DAPK1: variants seen among roughly 807,000 people sequenced by gnomAD.
The protein encoded by DAPK1 is death associated protein kinase 1.
In DAPK1, 56 loss-of-function variants were observed where a neutral mutation model predicts 144.9. That is an observed-to-expected ratio of 0.39 (90% CI 0.31 to 0.48). DAPK1 has a LOEUF of 0.48. Ranked by LOEUF, DAPK1 falls within the 20% of genes least tolerant of loss-of-function variation. The probability of loss-of-function intolerance (pLI) is 0.95; values close to 1 mark genes in which losing one functional copy is unlikely to be tolerated. For synonymous variants in DAPK1, 690 were observed against 749.0 expected, an observed-to-expected ratio of 0.92 and a Z score of 1.29; for missense variants, 1,454 against 1,875.4, an observed-to-expected ratio of 0.78 and a Z score of 4.15.
chr9:87,671,775 A>G (rs970979643), intron 19 of DAPK1, among the ~76,000 whole-genome samples: 5 of 152,226 alleles, frequency 3.3e-5, no homozygotes, highest in African/African-American at 1.2e-4. Flanking sequence ...TGGCCTCCCA[A>G]AGCAGTGGGA....
In DAPK1 at chr9:87,651,635, A is replaced by G; in HGVS notation, c.1735A>G (p.Thr579Ala). The change falls in exon 17 of 26, where the codon ACT becomes GCT. Residue 579 changes from threonine to alanine, a missense_variant. By Grantham distance (58) the Thr-to-Ala change is moderately conservative. This residue lies in a region of DAPK1 where 1,025 missense variants were observed against 1,237.9 expected (regional missense o/e 0.83). Coordinates refer to ENST00000408954, the MANE Select transcript of DAPK1 (RefSeq NM_004938.4). ...FVDYQDRHGNTPLHVACKDGN... is the reference protein window; with the variant it reads ...FVDYQDRHGNAPLHVACKDGN... The stretch of plus-strand genomic sequence containing the variant: ...CGATTATCAAGACAGGCACGGCAAT[A>G]CTCCCCTCCATGTGGCATGTAAAGA... The G allele has an allele frequency of 1.2e-6, 2 of 1,613,842 alleles. No homozygotes were observed. The highest frequency in any genetic ancestry group is 1.7e-6 in the Non-Finnish European group (2 of 1,179,950).
At chr9:87,697,397 T>C (rs1825297521) in intron 22 of DAPK1, among the ~76,000 whole-genome samples, 193 bp downstream of exon 22, 1 of 152,246 alleles carries the variant, frequency 6.6e-6, no homozygotes, top group African/African-American at 2.4e-5. Flanking sequence ...ACTTCCACTC[T>C]GAGAAGCTTC....
At chr9:87,524,570 C>T (rs1381945614) in intron 2 of DAPK1, among the ~76,000 whole-genome samples, 3 of 152,220 alleles carry the variant, frequency 2.0e-5, no homozygotes, top group Non-Finnish European at 2.9e-5. Flanking sequence ...GGTCCTTTCA[C>T]ACCCCAAACA....
chr9:87,505,894 G>A (rs941111135), intron 2 of DAPK1, among the ~76,000 whole-genome samples: 1 of 152,040 alleles, frequency 6.6e-6, no homozygotes, highest in Admixed American at 6.5e-5. Flanking sequence ...CGCCATGTTG[G>A]CTAGGCTGGT....
chr9:87,705,857 C>T (rs188628956), intron 25 of DAPK1, among the ~76,000 whole-genome samples: 6 of 145,620 alleles, frequency 4.1e-5, no homozygotes, highest in Admixed American at 6.7e-5. Flanking sequence ...ATTTGGTTGC[C>T]ATCTCCCATT....
At chr9:87,627,357 T>C (rs1363738072) in intron 3 of DAPK1, among the ~76,000 whole-genome samples, 1 of 152,210 alleles carries the variant, frequency 6.6e-6, no homozygotes, top group Non-Finnish European at 1.5e-5. Flanking sequence ...AAGACTTTAC[T>C]GAGAGCTGAG....
chr9:87,573,130 A>G (rs962451816), intron 2 of DAPK1, among the ~76,000 whole-genome samples: 2 of 152,182 alleles, frequency 1.3e-5, no homozygotes, highest in African/African-American at 4.8e-5. Flanking sequence ...CCCTCCTCAT[A>G]ATACCTCTGA....
intron 3 of DAPK1, among the ~76,000 whole-genome samples, chr9:87,627,994 C>T (rs766680208): frequency 1.4e-4 from 21 of 152,304 alleles, no homozygotes; most frequent in Non-Finnish European, 2.4e-4. Context: ...AGTAACTTAA[C>T]CTCTCTGAGG....
chr9:87,642,865 G>C (rs2119143753), intron 10 of DAPK1, among the ~76,000 whole-genome samples: 1 of 152,322 alleles, frequency 6.6e-6, no homozygotes, highest in South Asian at 2.1e-4. Context: ...TTGCCTTAGA[G>C]AGTAAATGCA....
intron 17 of DAPK1, among the ~76,000 whole-genome samples, chr9:87,654,915 C>G (rs1830580288): frequency 6.6e-6 from 1 of 152,194 alleles, no homozygotes; most frequent in Non-Finnish European, 1.5e-5. Context: ...GTTAAATACA[C>G]TCTTCAAAAA....
At chr9:87,610,166 A>G (rs1034672065) in intron 3 of DAPK1, among the ~76,000 whole-genome samples, 10 of 152,188 alleles carry the variant, frequency 6.6e-5, no homozygotes, top group African/African-American at 2.4e-4. Flanking sequence ...TTTTTCCCCT[A>G]CTTGCTTCAC....
intron 2 of DAPK1, among the ~76,000 whole-genome samples, chr9:87,517,041 C>T (rs761383078): frequency 4.6e-5 from 7 of 152,112 alleles, no homozygotes; most frequent in Non-Finnish European, 8.8e-5. Flanking sequence ...CTCTTCCTGC[C>T]CCCATAGTCC....
In DAPK1 at chr9:87,697,117, C is replaced by T; in HGVS notation, c.2524C>T (p.Leu842=). The T allele has an allele frequency of 6.4e-7, 1 of 1,557,648 alleles. No individual in the cohort carries two copies. The highest frequency in any genetic ancestry group is 1.1e-5 in the South Asian group (1 of 89,994). The change falls in exon 22 of 26, where the codon CTA becomes TTA. Residue 842 remains leucine (L), a synonymous_variant. Coordinates refer to ENST00000408954, the MANE Select transcript of DAPK1 (RefSeq NM_004938.4). ...PTSIHVVVFS[L]EEPYEIQLNQ... Reference sequence around the variant, plus strand: ...GTCAATCCATGTTGTTGTCTTTAGTCTAGAAGAGCCCTATGAGATCCAGCT... The same window carrying T: ...GTCAATCCATGTTGTTGTCTTTAGTTTAGAAGAGCCCTATGAGATCCAGCT...
At chr9:87,681,982 AAG>A in intron 20 of DAPK1, among the ~76,000 whole-genome samples, 1 of 152,352 alleles carries the variant, frequency 6.6e-6, no homozygotes, top group South Asian at 2.1e-4. Flanking sequence ...TAGAGACAAA[AAG>A]AGCTCAAACT....
intron 23 of DAPK1, 82 bp from the exon 24 acceptor site, chr9:87,700,035 G>C (rs1825406617): frequency 2.6e-6 from 3 of 1,156,338 alleles, no homozygotes; most frequent in Non-Finnish European, 3.8e-6. Flanking sequence ...CCAGCCTCTT[G>C]AGCCAGTAGG....
rs1236288790 is a variant in DAPK1, at chr9:87,547,036, A to G, written c.62+47897A>G. Among the ~76,000 whole-genome samples, 4 of 152,284 alleles carry G rather than the reference A, an allele frequency of 2.6e-5. No individual in the cohort carries two copies. In the East Asian group the frequency reaches 5.8e-4, roughly 22 times the overall value. Reference sequence around the variant, plus strand: ...GCCGGGTGTGTTGGCATGCGCCTATAGTCCCAGCTGCTCAGGAGGCTGAGG... The same window carrying G: ...GCCGGGTGTGTTGGCATGCGCCTATGGTCCCAGCTGCTCAGGAGGCTGAGG... On this transcript the variant is annotated intron_variant, in intron 2 of 25. Transcript: ENST00000408954.
chr9:87,550,438 A>G (rs1344669829), intron 2 of DAPK1, among the ~76,000 whole-genome samples: 1 of 152,228 alleles, frequency 6.6e-6, no homozygotes, highest in Non-Finnish European at 1.5e-5. Context: ...GTCATTTAGA[A>G]TGTGTTCCAG....
chr9:87,500,716 G>A (rs1824358207), intron 2 of DAPK1, among the ~76,000 whole-genome samples: 1 of 152,062 alleles, frequency 6.6e-6, no homozygotes, highest in South Asian at 2.1e-4. Context: ...TTTATTTCGT[G>A]GGCGTGATGA....
intron 3 of DAPK1, among the ~76,000 whole-genome samples, chr9:87,635,415 G>A (rs1829855659): frequency 6.6e-6 from 1 of 152,144 alleles, no homozygotes; most frequent in Non-Finnish European, 1.5e-5. Flanking sequence ...GGGCTCGGGA[G>A]GCCCTGAAGA....
Sources: gnomAD v4.1 joint callset for allele counts (sites outside exome capture counted in the v4.1 genomes callset) on GRCh38, gnomAD v4.1.1 for gene constraint, gnomAD v4.1.1 regional missense constraint, MANE v1.5 for transcripts, NCBI Gene and HGNC (gene_info 2026-07-23, HGNC 2026-07-21) for gene names.